The following HDAC10 variants were observed in gnomAD, a reference collection of about 807,000 sequenced individuals.
HDAC10 encodes polyamine deacetylase HDAC10.
In HDAC10, 90 loss-of-function variants were observed where a neutral mutation model predicts 82.3. The ratio of observed to expected loss-of-function variants is 1.09; its 90% CI spans 0.92 to 1.30. The LOEUF (loss-of-function observed/expected upper bound fraction) is 1.30. Among genes scored for constraint, HDAC10 ranks in the 50% most tolerant of loss-of-function variants. HDAC10 has a pLI of 0.00. For synonymous variants in HDAC10, 456 were observed against 391.7 expected (o/e 1.16, Z -1.94); for missense variants, 934 against 876.3 (o/e 1.07, Z -0.83).
rs2065036710 is a variant in HDAC10 at position 50,249,586 on chromosome 22, C to T, written c.563+49G>A. The T allele has an allele frequency of 1.9e-6, 3 of 1,611,022 alleles. No individual in the cohort carries two copies. The highest frequency in any genetic ancestry group is 1.7e-6 in the Non-Finnish European group (2 of 1,178,526). The stretch of plus-strand genomic sequence containing the variant: ...GGATTTTCCCAGGCCAGGCTGTGCA[C>T]CCAAAAACTGGGGCTGCAGGGAAGG... On this transcript the variant is annotated intron_variant, in intron 6 of 19. Coordinates refer to ENST00000216271, the MANE Select transcript of HDAC10 (RefSeq NM_032019.6). This position sits in a 1 kb window ranked among gnomAD's most constrained non-coding sequence, Gnocchi z 4.4.
rs7292864 is a variant in HDAC10, at chr22:50,245,363, A to G, written c.*144T>C. ...GGAGCGGGGGAAGCACGGGTGGGAG[A>G]GGGCGGGGCGCGGGGATTGGGAGTG... On this transcript the variant is annotated 3_prime_UTR_variant, in exon 20 of 20. Coordinates refer to ENST00000216271, the MANE Select transcript of HDAC10 (RefSeq NM_032019.6). The G allele has an allele frequency of 0.77, 485,123 of 630,508 alleles. 186,208 individuals are homozygous for G. Among genetic ancestry groups the G allele is most frequent in the African/African-American group, 0.94 (44,426 of 47,214 alleles). 39.1% of individuals were successfully genotyped at this position (630,508 alleles called of 1,614,324 possible).
Position 50,248,752 on chromosome 22 carries a change from C to T in HDAC10, c.817-1G>A, listed in dbSNP as rs891477432. 1.3e-5 allele frequency: 21 copies of T among 1,585,594 alleles called. No individual in the cohort carries two copies. Among genetic ancestry groups the T allele is most frequent in the Non-Finnish European group, 1.8e-5 (21 of 1,166,062 alleles). ...ACTCTGGCGTGGCCTGCATTTGCCCCTGGAACCAGAGCCATGTGTGATGGG... is the reference window on the plus strand; with the variant it reads ...ACTCTGGCGTGGCCTGCATTTGCCCTTGGAACCAGAGCCATGTGTGATGGG... On this transcript the variant is annotated splice_acceptor_variant, in intron 9 of 19. Transcript: ENST00000216271. LOFTEE classifies it high-confidence loss of function. The surrounding 1 kb of genome is among the most constrained non-coding windows in gnomAD (Gnocchi z 5.4).
In HDAC10 at chr22:50,250,453, G is replaced by A; in HGVS notation, c.265C>T (p.Gln89Ter). ...GGGTGGAAGTAGATGGCGTCGAACT[G>A]TCCGGACAGCGCCTGCAGCTCCTCC... is the stretch of plus-strand genomic sequence containing the variant. ...GKEELQALSGQFDAIYFHPST... is the reference protein window; with the variant it reads ...GKEELQALSG Residue 89 changes from glutamine to a stop codon, truncating the protein, a stop_gained, in exon 3 of 20, where the codon CAG becomes TAG. Coordinates refer to ENST00000216271, the MANE Select transcript of HDAC10 (RefSeq NM_032019.6). LOFTEE classifies it high-confidence loss of function. 4 of 1,613,018 alleles carry A rather than the reference G, an allele frequency of 2.5e-6. No individual in the cohort carries two copies. The highest frequency in any genetic ancestry group is 3.4e-6 in the Non-Finnish European group (4 of 1,179,970).
intron 14 of HDAC10, 174 bp downstream of exon 14, chr22:50,247,518 A>T (rs2064984157): frequency 3.7e-6 from 2 of 541,724 alleles, no homozygotes; most frequent in African/African-American, 3.8e-5. Context: ...CAGACACACT[A>T]GTGATCCCCA....
In HDAC10 at chr22:50,249,510, C is replaced by T. The variant is rs2065034878; in HGVS notation, c.564-56G>A. The T allele has an allele frequency of 1.2e-6, 2 of 1,608,802 alleles. No homozygotes were observed. Among genetic ancestry groups the T allele is most frequent in the South Asian group, 2.2e-5 (2 of 90,844 alleles). ...AAGGTCAGGACCCTCAACAGCTCTA[C>T]AGCTCCCTGTAGAACGCTGACCCCT... On this transcript the variant is annotated intron_variant, in intron 6 of 19. Transcript: ENST00000216271. This position sits in a 1 kb window ranked among gnomAD's most constrained non-coding sequence, Gnocchi z 4.4.
Position 50,251,230 on chromosome 22 carries a change from C to A in HDAC10, c.-198G>T, listed in dbSNP as rs558980805. On this transcript the variant is annotated 5_prime_UTR_variant, in exon 1 of 20. Coordinates refer to ENST00000216271, the MANE Select transcript of HDAC10 (RefSeq NM_032019.6). ...TCCCAGGCGCGCAGAAGGCACGGAG[C>A]GAGGCTGCAGTCGAAGGGGGAGGCT... The A allele has an allele frequency of 5.4e-6, 3 of 559,936 alleles. No individual in the cohort carries two copies. The highest frequency in any genetic ancestry group is 3.9e-5 in the African/African-American group (2 of 50,672). The allele number at this position is 559,936 out of a possible 1,614,324, so 34.7% of individuals were successfully genotyped here.
In HDAC10 at chr22:50,251,254, C is replaced by T. The variant is rs923314105; in HGVS notation, c.-222G>A. On this transcript the variant is annotated 5_prime_UTR_variant, in exon 1 of 20. Coordinates refer to ENST00000216271, the MANE Select transcript of HDAC10 (RefSeq NM_032019.6). Reference sequence around the variant, plus strand: ...GCGAGGCTGCAGTCGAAGGGGGAGGCTCCCCGCGCCTGGCTTCCGGCTTCC... The same window carrying T: ...GCGAGGCTGCAGTCGAAGGGGGAGGTTCCCCGCGCCTGGCTTCCGGCTTCC... The T allele has an allele frequency of 2.1e-6, 1 of 471,086 alleles. No individual in the cohort carries two copies. Among genetic ancestry groups the T allele is most frequent in the Non-Finnish European group, 3.7e-6 (1 of 266,786 alleles). 29.2% of individuals were successfully genotyped at this position (471,086 alleles called of 1,614,324 possible).
In HDAC10 at chr22:50,250,106, C is replaced by T. The variant is rs1389114026; in HGVS notation, c.346G>A (p.Ala116Thr). The T allele has an allele frequency of 6.8e-6, 11 of 1,612,716 alleles. No homozygotes were observed. Among genetic ancestry groups the T allele is most frequent in the South Asian group, 1.1e-5 (1 of 91,088 alleles). The change falls in exon 4 of 20, where the codon GCT (alanine) becomes ACT (threonine). Residue 116 changes from alanine to threonine, a missense_variant. Ala to Thr is a moderately conservative substitution (Grantham distance 58). Coordinates refer to ENST00000216271, the MANE Select transcript of HDAC10 (RefSeq NM_032019.6). ...TTTTGCACAGCTCCAGTGAGCACAG[C>T]GTCCACCAGCTGCAGTCCAGCCCCT... ...AAGAGLQLVD[A>T]VLTGAVQNGL...
In HDAC10 at chr22:50,249,166, A is replaced by T. The variant is rs75455741; in HGVS notation, c.693T>A (p.Val231=). Residue 231 remains valine, a splice_region_variant and synonymous_variant, in exon 8 of 20, where the codon GTT becomes GTA. Transcript: ENST00000216271. The surrounding 1 kb of genome is among the most constrained non-coding windows in gnomAD (Gnocchi z 4.4). ...CCACGTAGTCAGCGTTTCCCATCCC[A>T]ACCTGGCAGGACATCCCAGGCTACA... ...GFTVNLPWNQ[V]GMGNADYVAA... is the part of the protein sequence containing the mutation. The T allele has an allele frequency of 6.3e-7, 1 of 1,585,394 alleles. No homozygotes were observed. Among genetic ancestry groups the T allele is most frequent in the African/African-American group, 1.4e-5 (1 of 73,378 alleles).
Position 50,248,019 on chromosome 22 carries a change from C to A in HDAC10, c.1208G>T (p.Cys403Phe). The A allele has an allele frequency of 1.2e-6, 2 of 1,612,694 alleles. No individual in the cohort carries two copies. The highest frequency in any genetic ancestry group is 1.7e-6 in the Non-Finnish European group (2 of 1,179,920). ...SAPSSLLDQP[C>F]LCPAPSVRTA... Reference sequence around the variant, plus strand: ...GCGGACAGAGGGTGCGGGGCAGAGGCACGGCTGGTCCAGGAGGGAGCTCGG... The same window carrying A: ...GCGGACAGAGGGTGCGGGGCAGAGGAACGGCTGGTCCAGGAGGGAGCTCGG... The change falls in exon 13 of 20, where the codon TGC becomes TTC. Residue 403 changes from cysteine (C) to phenylalanine (F), a missense_variant. By Grantham distance (205) the Cys-to-Phe change is radical. Transcript: ENST00000216271. This position sits in a 1 kb window ranked among gnomAD's most constrained non-coding sequence, Gnocchi z 5.4.
chr22:50,249,752 A>T lies in HDAC10; in HGVS notation c.495-49T>A, dbSNP rs566208382. Reference sequence around the variant, plus strand: ...CAAAGGGGCAGGGCCTCCCACCTCCAGGAGCCCGGCCAGGGATGGGAAGGT... The same window carrying T: ...CAAAGGGGCAGGGCCTCCCACCTCCTGGAGCCCGGCCAGGGATGGGAAGGT... On this transcript the variant is annotated intron_variant, in intron 5 of 19. Coordinates refer to ENST00000216271, the MANE Select transcript of HDAC10 (RefSeq NM_032019.6). The surrounding 1 kb of genome is among the most constrained non-coding windows in gnomAD (Gnocchi z 4.4). 24 of 1,609,834 alleles carry T rather than the reference A, an allele frequency of 1.5e-5. No homozygotes were observed. The South Asian group carries it at 2.3e-4, about 15-fold the overall frequency.
rs555667885 is a variant in HDAC10, at chr22:50,249,409, C to T, written c.609G>A (p.Trp203Ter). The change falls in exon 7 of 20, where the codon TGG becomes TGA. Residue 203 changes from tryptophan (W) to a stop codon, truncating the protein, a stop_gained. Transcript: ENST00000216271. LOFTEE classifies it high-confidence loss of function. The surrounding 1 kb of genome is among the most constrained non-coding windows in gnomAD (Gnocchi z 4.4). ...SWHRYEHGRFWPFLRESDADA... is the reference protein window; with the variant it reads ...SWHRYEHGRF ...CTGCATCTGACTCTCGCAGGAAAGG[C>T]CAGAAGCGCCCATGCTCATAGCGGT... is the stretch of plus-strand genomic sequence containing the variant. 1.2e-6 allele frequency: 2 copies of T among 1,612,722 alleles called. No individual in the cohort carries two copies. The highest frequency in any genetic ancestry group is 1.7e-5 in the Admixed American group (1 of 60,014).
Position 50,246,037 on chromosome 22 carries a change from C to T in HDAC10, c.1706G>A (p.Gly569Asp). ...CACCAGCACCAGGTCAGGCTGGAAG[C>T]CATAGGCCAGGGGCAGCACCAAGCC... Reference protein sequence around the residue: ...ILGLVLPLAYGFQPDLVLVAL... With the variant: ...ILGLVLPLAYDFQPDLVLVAL... The change falls in exon 18 of 20, where the codon GGC becomes GAC. Residue 569 changes from glycine to aspartate, a missense_variant. Transcript: ENST00000216271. 1 of 1,612,764 alleles carries T rather than the reference C, an allele frequency of 6.2e-7. No homozygotes were observed. The highest frequency in any genetic ancestry group is 8.5e-7 in the Non-Finnish European group (1 of 1,179,744).
chr22:50,251,184 G>C lies in HDAC10; in HGVS notation c.-152C>G. ...GCACCGGCCTGGGCGGGAGCGCACAGAACCTAGGCAGGCTCCGGGATCCCA... is the reference window on the plus strand; with the variant it reads ...GCACCGGCCTGGGCGGGAGCGCACACAACCTAGGCAGGCTCCGGGATCCCA... On this transcript the variant is annotated 5_prime_UTR_variant, in exon 1 of 20. Coordinates refer to ENST00000216271, the MANE Select transcript of HDAC10 (RefSeq NM_032019.6). 2.8e-6 allele frequency: 2 copies of C among 717,398 alleles called. No individual in the cohort carries two copies. The highest frequency in any genetic ancestry group is 2.9e-5 in the East Asian group (1 of 34,604). 44.4% of individuals were successfully genotyped at this position (717,398 alleles called of 1,614,324 possible). A position where few individuals can be genotyped will look rare whatever the true frequency, so the allele number is the denominator to read the frequency against.
In HDAC10 at chr22:50,249,499, C is replaced by T. The variant is rs1331333266; in HGVS notation, c.564-45G>A. 1 of 1,610,800 alleles carries T rather than the reference C, an allele frequency of 6.2e-7. No individual in the cohort carries two copies. The highest frequency in any genetic ancestry group is 8.5e-7 in the Non-Finnish European group (1 of 1,178,720). ...GCCAGAGGTCAAAGGTCAGGACCCTCAACAGCTCTACAGCTCCCTGTAGAA... is the reference window on the plus strand; with the variant it reads ...GCCAGAGGTCAAAGGTCAGGACCCTTAACAGCTCTACAGCTCCCTGTAGAA... On this transcript the variant is annotated intron_variant, in intron 6 of 19. Coordinates refer to ENST00000216271, the MANE Select transcript of HDAC10 (RefSeq NM_032019.6). The surrounding 1 kb of genome is among the most constrained non-coding windows in gnomAD (Gnocchi z 4.4).
rs1601629776 is a variant in HDAC10 at position 50,249,779 on chromosome 22, C to T, written c.495-76G>A. On this transcript the variant is annotated intron_variant, in intron 5 of 19. Transcript: ENST00000216271. This position sits in a 1 kb window ranked among gnomAD's most constrained non-coding sequence, Gnocchi z 4.4. ...GAGCCCGGCCAGGGATGGGAAGGTG[C>T]TGGCTGGGTTCTCTCGCCTCCTGCG... 1 of 1,605,154 alleles carries T rather than the reference C, an allele frequency of 6.2e-7. No homozygotes were observed. Among genetic ancestry groups the T allele is most frequent in the East Asian group, 2.2e-5 (1 of 44,642 alleles).
At position 50,251,252 on chromosome 22, in the gene HDAC10, G is replaced by A. The variant is rs1171073579; in HGVS notation, c.-220C>T. On this transcript the variant is annotated 5_prime_UTR_variant, in exon 1 of 20. Transcript: ENST00000216271. ...GAGCGAGGCTGCAGTCGAAGGGGGA[G>A]GCTCCCCGCGCCTGGCTTCCGGCTT... 8.4e-6 allele frequency: 4 copies of A among 477,948 alleles called. No individual in the cohort carries two copies. Among genetic ancestry groups the A allele is most frequent in the South Asian group, 7.0e-5 (2 of 28,732 alleles). The allele number at this position is 477,948 out of a possible 1,614,324, so 29.6% of individuals were successfully genotyped here.
rs1371410060 is a variant in HDAC10, at chr22:50,249,267, G to A, written c.690+61C>T. 3 of 1,471,482 alleles carry A rather than the reference G, an allele frequency of 2.0e-6. No homozygotes were observed. Among genetic ancestry groups the A allele is most frequent in the Non-Finnish European group, 2.8e-6 (3 of 1,089,000 alleles). 91.2% of individuals were successfully genotyped at this position (1,471,482 alleles called of 1,614,324 possible). Reference sequence around the variant, plus strand: ...CCTGGGGCTTGAGGGTGAACTGTGGGGGAGGGGAGGGGCCCAGGGGGAGGG... The same window carrying A: ...CCTGGGGCTTGAGGGTGAACTGTGGAGGAGGGGAGGGGCCCAGGGGGAGGG... On this transcript the variant is annotated intron_variant, in intron 7 of 19. Transcript: ENST00000216271. This position sits in a 1 kb window ranked among gnomAD's most constrained non-coding sequence, Gnocchi z 4.4.
rs772325030 is a variant in HDAC10 at position 50,250,805 on chromosome 22, C to A, written c.160G>T (p.Glu54Ter). Residue 54 changes from glutamate to a stop codon, truncating the protein, a stop_gained, in exon 2 of 20, where the codon GAG becomes TAG. Transcript: ENST00000216271. LOFTEE classifies it high-confidence loss of function. Reference protein sequence around the residue: ...EQRCLRLSAREASEEELGLVH... With the variant: ...EQRCLRLSAR ...AGGCCCAGCTCCTCTTCCGAGGCCT[C>A]GCGGGCTGACAACCGCAGACACCTC... The A allele has an allele frequency of 1.9e-6, 3 of 1,603,306 alleles. No individual in the cohort carries two copies. The East Asian group carries it at 6.7e-5, about 36-fold the overall frequency.
Sources: allele counts gnomAD v4.1 joint callset, GRCh38; gene constraint gnomAD v4.1.1; non-coding constraint Gnocchi (gnomAD v3.1); transcripts MANE v1.5; gene names NCBI Gene and HGNC (gene_info 2026-07-23, HGNC 2026-07-21).